The following CHMP5 variants were observed in gnomAD, a reference collection of about 807,000 sequenced individuals.
The protein encoded by CHMP5 is SNF7 domain containing 2.
CHMP5 carries 17 observed loss-of-function variants against 33.0 expected under a neutral mutation model. That is an observed-to-expected ratio of 0.52 (90% CI 0.35 to 0.77). The LOEUF is 0.77. Ranked by LOEUF, CHMP5 falls within the 30% of genes least tolerant of loss-of-function variation. The pLI is 0.01. For synonymous variants in CHMP5, 76 were observed against 90.2 expected (o/e 0.84, Z 0.89); for missense variants, 216 against 261.5 (o/e 0.83, Z 1.20).
intron 5 of CHMP5, among the ~76,000 whole-genome samples, chr9:33,271,790 T>C (rs1278986481): frequency 1.3e-5 from 2 of 152,186 alleles, no homozygotes; most frequent in East Asian, 3.9e-4. Context: ...ATTATGAGGA[T>C]GAAATAAATG....
chr9:33,279,998 G>C (rs1261305663), intron 7 of CHMP5, among the ~76,000 whole-genome samples: 1 of 151,804 alleles, frequency 6.6e-6, no homozygotes, highest in Non-Finnish European at 1.5e-5. Flanking sequence ...ATCTTTTTGA[G>C]ATGGAGTCCC....
intron 6 of CHMP5, among the ~76,000 whole-genome samples, chr9:33,277,502 G>A (rs1406248068): frequency 6.6e-6 from 1 of 152,130 alleles, no homozygotes; most frequent in Non-Finnish European, 1.5e-5. Flanking sequence ...AAATGAGAAG[G>A]GTTGTCGAAT....
intron 7 of CHMP5, among the ~76,000 whole-genome samples, chr9:33,279,866 C>CAAA (rs77706408): frequency 4.6e-4 from 25 of 54,890 alleles, no homozygotes; most frequent in Middle Eastern, 9.3e-3. Flanking sequence ...AACTCAATCT[C>CAAA]AAAAAAAAAA....
intron 7 of CHMP5, among the ~76,000 whole-genome samples, chr9:33,278,646 T>C (rs1300757051): frequency 1.3e-5 from 2 of 152,020 alleles, no homozygotes; most frequent in African/African-American, 2.4e-5. Context: ...TTCTTTTTTT[T>C]TTTTCCTGTA....
chr9:33,280,427 A>G (rs1362755006), intron 7 of CHMP5, among the ~76,000 whole-genome samples: 1 of 152,232 alleles, frequency 6.6e-6, no homozygotes, highest in South Asian at 2.1e-4. Context: ...TGCTCCTTCA[A>G]GGATTTGGGA....
Position 33,280,884 on chromosome 9 carries a change from G to A in CHMP5, c.*25G>A, listed in dbSNP as rs1274535806. ...GATTTGCATCATTCAAGCATATCTTGTAAAACAAACACATATTATGGGACT... is the reference window on the plus strand; with the variant it reads ...GATTTGCATCATTCAAGCATATCTTATAAAACAAACACATATTATGGGACT... On this transcript the variant is annotated 3_prime_UTR_variant, in exon 8 of 8. Coordinates refer to ENST00000223500, the MANE Select transcript of CHMP5 (RefSeq NM_016410.6). 5.0e-6 allele frequency: 8 copies of A among 1,588,492 alleles called. No individual in the cohort carries two copies. In the African/African-American group the frequency reaches 8.1e-5, roughly 16 times the overall value.
At chr9:33,271,891 C>T (rs544570703) in intron 5 of CHMP5, among the ~76,000 whole-genome samples, 64 of 152,208 alleles carry the variant, frequency 4.2e-4, no homozygotes, top group Admixed American at 1.2e-3. Flanking sequence ...TCTGTTTCTT[C>T]GATGGTAGTG....
intron 6 of CHMP5, among the ~76,000 whole-genome samples, chr9:33,276,994 G>A (rs185226300): frequency 2.6e-5 from 4 of 151,936 alleles, no homozygotes; most frequent in African/African-American, 9.7e-5. Context: ...CCAGGAGTTC[G>A]AGACCTGGCT....
Position 33,280,849 on chromosome 9 carries a change from C to T in CHMP5, c.650C>T (p.Pro217Leu), listed in dbSNP as rs1820913990. The change falls in exon 8 of 8, where the codon CCT becomes CTT. Residue 217 changes from proline (P) to leucine (L), a missense_variant. Pro to Leu is a moderately conservative substitution (Grantham distance 98). Coordinates refer to ENST00000223500, the MANE Select transcript of CHMP5 (RefSeq NM_016410.6). ...LVDEFGLPQI[P>L]AS ...GATGAATTTGGATTGCCACAGATCC[C>T]TGCTTCATAGATTTGCATCATTCAA... 1.2e-6 allele frequency: 2 copies of T among 1,611,180 alleles called. No homozygotes were observed. Among genetic ancestry groups the T allele is most frequent in the Admixed American group, 1.7e-5 (1 of 59,728 alleles).
At position 33,267,862 on chromosome 9, in the gene CHMP5, A is replaced by G; in HGVS notation, c.184A>G (p.Lys62Glu). ...MREGPAKNMV[K>E]QKALRVLKQK... Reference sequence around the variant, plus strand: ...CTGTTTTTCTCTCCAGAATATGGTCAAGCAGAAAGCCTTGCGAGTTTTAAA... The same window carrying G: ...CTGTTTTTCTCTCCAGAATATGGTCGAGCAGAAAGCCTTGCGAGTTTTAAA... Residue 62 changes from lysine (K) to glutamate (E), a missense_variant, in exon 3 of 8, where the codon AAG (lysine) becomes GAG (glutamate). By Grantham distance (56) the Lys-to-Glu change is moderately conservative. Transcript: ENST00000223500. 3.7e-6 allele frequency: 6 copies of G among 1,610,266 alleles called. No homozygotes were observed. The highest frequency in any genetic ancestry group is 5.1e-6 in the Non-Finnish European group (6 of 1,176,640).
chr9:33,268,206 T>C (rs1364262902), intron 3 of CHMP5, among the ~76,000 whole-genome samples: 1 of 152,252 alleles, frequency 6.6e-6, no homozygotes, highest in African/African-American at 2.4e-5. Context: ...TTAAATTTTA[T>C]TCAATTTAAA....
chr9:33,265,222 C>G (rs1587794972), intron 1 of CHMP5, 75 bp downstream of exon 1: 4 of 1,424,800 alleles, frequency 2.8e-6, no homozygotes, highest in Admixed American at 1.7e-5. Context: ...AGCCCCGGGC[C>G]CATATTCTTC....
chr9:33,270,649 C>T lies in CHMP5; in HGVS notation c.248C>T (p.Ala83Val). Reference protein sequence around the residue: ...RMYEQQRDNLAQQSFNMEQAN... With the variant: ...RMYEQQRDNLVQQSFNMEQAN... Reference sequence around the variant, plus strand: ...TATGAGCAGCAGCGGGACAATCTTGCCCAACAGTCATTCAACATGGAACAA... The same window carrying T: ...TATGAGCAGCAGCGGGACAATCTTGTCCAACAGTCATTCAACATGGAACAA... Residue 83 changes from alanine (A) to valine (V), a missense_variant, in exon 4 of 8, where the codon GCC becomes GTC. Coordinates refer to ENST00000223500, the MANE Select transcript of CHMP5 (RefSeq NM_016410.6). 2 of 1,614,004 alleles carry T rather than the reference C, an allele frequency of 1.2e-6. No individual in the cohort carries two copies. The highest frequency in any genetic ancestry group is 8.5e-7 in the Non-Finnish European group (1 of 1,179,946).
chr9:33,272,426 A>G (rs831270), intron 5 of CHMP5, among the ~76,000 whole-genome samples: 124,491 of 149,858 alleles, frequency 0.83, 51,848 homozygotes, highest in Non-Finnish European at 0.84. Flanking sequence ...AAAGCAGTAC[A>G]GCCTGATTCA....
chr9:33,276,641 G>A, intron 6 of CHMP5, 77 bp downstream of exon 6: 1 of 772,076 alleles, frequency 1.3e-6, no homozygotes, highest in Non-Finnish European at 2.2e-6. Context: ...TTTCTCAAAT[G>A]CTAGTGAAAA....
At position 33,270,662 on chromosome 9, in the gene CHMP5, C is replaced by T; in HGVS notation, c.261C>T (p.Phe87=). The T allele has an allele frequency of 6.2e-7, 1 of 1,614,122 alleles. No homozygotes were observed. The highest frequency in any genetic ancestry group is 8.5e-7 in the Non-Finnish European group (1 of 1,180,018). ...QQRDNLAQQS[F]NMEQANYTIQ... ...GGGACAATCTTGCCCAACAGTCATT[C>T]AACATGGAACAAGCCAATTATACCA... is the stretch of plus-strand genomic sequence containing the variant. The change falls in exon 4 of 8, where the codon TTC becomes TTT. Residue 87 remains phenylalanine, a synonymous_variant. Coordinates refer to ENST00000223500, the MANE Select transcript of CHMP5 (RefSeq NM_016410.6).
intron 7 of CHMP5, among the ~76,000 whole-genome samples, 192 bp from the exon 8 acceptor site, chr9:33,280,617 C>T (rs535088561): frequency 1.1e-4 from 16 of 152,172 alleles, no homozygotes; most frequent in Non-Finnish European, 2.1e-4. Flanking sequence ...TTGGCCCTTT[C>T]TAGTTCTCTT....
At chr9:33,272,948 G>C (rs141064830) in intron 5 of CHMP5, among the ~76,000 whole-genome samples, 2 of 152,242 alleles carry the variant, frequency 1.3e-5, no homozygotes, top group East Asian at 3.9e-4. Flanking sequence ...CTTCACTGAT[G>C]AAAGTGTTCT....
At position 33,266,095 on chromosome 9, in the gene CHMP5, T is replaced by C. The variant is rs1305356014; in HGVS notation, c.155T>C (p.Met52Thr). 1.2e-6 allele frequency: 2 copies of C among 1,611,934 alleles called. No homozygotes were observed. Among genetic ancestry groups the C allele is most frequent in the Non-Finnish European group, 1.7e-6 (2 of 1,178,420 alleles). ...AAGTATAAGGATCAGATCAAGAAGA[T>C]GAGAGAGGGTCCTGCAAAGGTAAGG... ...LVKYKDQIKK[M>T]REGPAKNMVK... The change falls in exon 2 of 8, where the codon ATG becomes ACG. Residue 52 changes from methionine to threonine, a missense_variant. Physicochemically the swap from Met to Thr is moderately conservative, Grantham distance 81. Coordinates refer to ENST00000223500, the MANE Select transcript of CHMP5 (RefSeq NM_016410.6).
Sources: gnomAD v4.1 joint callset for allele counts (sites outside exome capture counted in the v4.1 genomes callset) on GRCh38, gnomAD v4.1.1 for gene constraint, MANE v1.5 for transcripts, NCBI Gene and HGNC (gene_info 2026-07-23, HGNC 2026-07-21) for gene names.